SPATA33: variants seen among roughly 807,000 people sequenced by gnomAD.
SPATA33 encodes spermatogenesis associated 33.
In SPATA33, 10 loss-of-function variants were observed where a neutral mutation model predicts 8.9. That is an observed-to-expected ratio of 1.12 (90% confidence interval 0.69 to 1.90). SPATA33 has a LOEUF of 1.90. Among genes scored for constraint, SPATA33 ranks in the 40% most tolerant of loss-of-function variants. The probability of loss-of-function intolerance (pLI) is 0.00; values close to 1 mark genes in which losing one functional copy is unlikely to be tolerated. For synonymous variants in SPATA33, 96 were observed against 72.8 expected (o/e 1.32, Z -1.63); for missense variants, 241 against 178.3 (o/e 1.35, Z -2.00).
At chr16:89,661,662 A>G (rs756220485) in intron 2 of SPATA33, among the ~76,000 whole-genome samples, 1 of 152,324 alleles carries the variant, frequency 6.6e-6, no homozygotes, top group Non-Finnish European at 1.5e-5. Flanking sequence ...AACATCACAG[A>G]TTTACAGTCA....
chr16:89,658,706 C>T, intron 2 of SPATA33: 1 of 462,020 alleles, frequency 2.2e-6, no homozygotes. Flanking sequence ...TGAGGTTCTC[C>T]TCGAGGGCTG....
intron 2 of SPATA33, among the ~76,000 whole-genome samples, chr16:89,668,547 A>G (rs2060056560): frequency 6.6e-6 from 1 of 151,994 alleles, no homozygotes; most frequent in Non-Finnish European, 1.5e-5. Context: ...GCTGTGCCCT[A>G]GCTCGTAGCA....
At chr16:89,658,025 G>A (rs1386197691) in intron 1 of SPATA33, 77 bp downstream of exon 1, 3 of 1,474,662 alleles carry the variant, frequency 2.0e-6, no homozygotes, top group African/African-American at 2.9e-5. Flanking sequence ...GGGCTGGGCG[G>A]GGCGGTGTGA....
intron 2 of SPATA33, chr16:89,658,738 A>G (rs2059922374): frequency 2.5e-6 from 1 of 404,492 alleles, no homozygotes; most frequent in African/African-American, 2.0e-5. Context: ...GCCACTGAGA[A>G]TCCCTGAGCC....
At chr16:89,659,509 AC>A (rs2059935383) in intron 2 of SPATA33, 1 of 152,226 alleles carries the variant, frequency 6.6e-6, no homozygotes, top group Non-Finnish European at 1.5e-5. Context: ...CCCTGTCTCT[AC>A]TAAAAATACA....
intron 2 of SPATA33, among the ~76,000 whole-genome samples, chr16:89,667,362 T>C (rs1040522838): frequency 1.3e-5 from 2 of 152,212 alleles, no homozygotes; most frequent in Non-Finnish European, 2.9e-5. Flanking sequence ...TATTATAATA[T>C]TGGAATAAAG....
chr16:89,665,685 A>G (rs2060017484), intron 2 of SPATA33, among the ~76,000 whole-genome samples: 1 of 152,234 alleles, frequency 6.6e-6, no homozygotes, highest in Non-Finnish European at 1.5e-5. Context: ...AGAAAATTTC[A>G]ATAGTGTAAA....
chr16:89,662,350 T>C (rs2059975505), intron 2 of SPATA33, among the ~76,000 whole-genome samples: 1 of 150,434 alleles, frequency 6.6e-6, no homozygotes, highest in African/African-American at 2.4e-5. Flanking sequence ...AACAAAATAC[T>C]GATTGAAGCT....
At position 89,669,610 on chromosome 16, in the gene SPATA33, C is replaced by G. The variant is rs569836288; in HGVS notation, c.*113C>G. Reference sequence around the variant, plus strand: ...CTCCAGTGCTCTCGGGGAGGTTGCACCAGGCCCACCCCACCCTGTGAGAAA... The same window carrying G: ...CTCCAGTGCTCTCGGGGAGGTTGCAGCAGGCCCACCCCACCCTGTGAGAAA... On this transcript the variant is annotated 3_prime_UTR_variant, in exon 3 of 3. Transcript: ENST00000579310. 31 of 1,015,350 alleles carry G rather than the reference C, an allele frequency of 3.1e-5. No homozygotes were observed. In the South Asian group the frequency reaches 4.6e-4, roughly 15 times the overall value. 62.9% of individuals were successfully genotyped at this position (1,015,350 alleles called of 1,614,324 possible).
intron 2 of SPATA33, chr16:89,658,760 G>A: frequency 5.7e-6 from 2 of 348,562 alleles, no homozygotes; most frequent in Non-Finnish European, 1.1e-5. Flanking sequence ...CCGCACACTG[G>A]AACAGAGCAT....
At chr16:89,668,645 C>T (rs988296131) in intron 2 of SPATA33, among the ~76,000 whole-genome samples, 1 of 151,430 alleles carries the variant, frequency 6.6e-6, no homozygotes, top group African/African-American at 2.4e-5. Context: ...TGTCTGAGCT[C>T]GTAGCAGTGG....
At chr16:89,665,212 C>T (rs968245742) in intron 2 of SPATA33, among the ~76,000 whole-genome samples, 3 of 152,194 alleles carry the variant, frequency 2.0e-5, no homozygotes, top group Admixed American at 6.5e-5. Flanking sequence ...CCAGGCTGGT[C>T]TCGAACTCCA....
At position 89,669,317 on chromosome 16, in the gene SPATA33, G is replaced by A; in HGVS notation, c.243G>A (p.Arg81=). ...EKPDVKQKSS[R]KKVVVPQIII... is the part of the protein sequence containing the mutation. ...CTGATGTAAAGCAAAAGTCCAGCAGGAAGAAAGTGGTCGTTCCACAGATCA... is the reference window on the plus strand; with the variant it reads ...CTGATGTAAAGCAAAAGTCCAGCAGAAAGAAAGTGGTCGTTCCACAGATCA... Residue 81 remains arginine, a synonymous_variant, in exon 3 of 3, where the codon AGG becomes AGA. Coordinates refer to ENST00000579310, the MANE Select transcript of SPATA33 (RefSeq NM_001271907.2). 1 of 1,614,200 alleles carries A rather than the reference G, an allele frequency of 6.2e-7. No individual in the cohort carries two copies. The highest frequency in any genetic ancestry group is 8.5e-7 in the Non-Finnish European group (1 of 1,180,040).
intron 2 of SPATA33, chr16:89,661,165 A>G (rs1319507869): frequency 1.0e-6 from 1 of 985,434 alleles, no homozygotes; most frequent in Non-Finnish European, 1.2e-6. Flanking sequence ...GATGGGGAGA[A>G]AGTTTGGCCA....
At chr16:89,658,708 CG>C in intron 2 of SPATA33, 1 of 451,280 alleles carries the variant, frequency 2.2e-6, no homozygotes, top group Non-Finnish European at 4.1e-6. Context: ...AGGTTCTCCT[CG>C]AGGGCTGGGT....
At chr16:89,657,780 G>C, upstream of SPATA33, 1 of 1,454,940 alleles carries the variant, frequency 6.9e-7, no homozygotes, top group Non-Finnish European at 9.0e-7. Flanking sequence ...GGCGGGGCGC[G>C]GCTGCGCGGC....
At chr16:89,664,309 A>G (rs1238493504) in intron 2 of SPATA33, among the ~76,000 whole-genome samples, 1 of 151,976 alleles carries the variant, frequency 6.6e-6, no homozygotes, top group Non-Finnish European at 1.5e-5. Context: ...CTGTGGAGGC[A>G]CACATCTTCC....
At chr16:89,662,779 C>T (rs1190957934) in intron 2 of SPATA33, among the ~76,000 whole-genome samples, 2 of 149,888 alleles carry the variant, frequency 1.3e-5, no homozygotes, top group Non-Finnish European at 3.0e-5. Flanking sequence ...CCTGTTTGAA[C>T]ACTTTTGTGA....
chr16:89,662,618 G>C (rs536026423), intron 2 of SPATA33, among the ~76,000 whole-genome samples: 1 of 151,906 alleles, frequency 6.6e-6, no homozygotes, highest in African/African-American at 2.4e-5. Flanking sequence ...GTAGAGATGA[G>C]GTTTCGCCAC....
Sources: allele counts gnomAD v4.1 joint callset (sites outside exome capture counted in the v4.1 genomes callset), GRCh38; gene constraint gnomAD v4.1.1; transcripts MANE v1.5; gene names NCBI Gene and HGNC (gene_info 2026-07-23, HGNC 2026-07-21).